Variants in CNTN5 observed in about 807,000 individuals in gnomAD.
The protein encoded by CNTN5 is contactin-5.
A neutral mutation model predicts 129.1 loss-of-function variants in CNTN5; 77 were observed. The ratio of observed to expected loss-of-function variants is 0.60; its 90% CI spans 0.50 to 0.72. CNTN5 has a LOEUF of 0.72. Among genes scored for constraint, CNTN5 ranks in the 30% least tolerant of loss-of-function variants. The pLI, the probability that CNTN5 is intolerant of heterozygous loss-of-function variation, is 0.00. For synonymous variants in CNTN5, 509 were observed against 465.6 expected, an observed-to-expected ratio of 1.09 and a Z score of -1.20; for missense variants, 1,478 against 1,328.8, an observed-to-expected ratio of 1.11 and a Z score of -1.75.
chr11:99,136,364 A>G (rs925850499), intron 1 of CNTN5, among the ~76,000 whole-genome samples: 3 of 152,114 alleles, frequency 2.0e-5, no homozygotes, highest in Admixed American at 6.6e-5. Context: ...CTCTACATGA[A>G]TGTTCTCTTC....
chr11:99,267,810 A>G (rs941651536), intron 1 of CNTN5, among the ~76,000 whole-genome samples: 3 of 151,816 alleles, frequency 2.0e-5, no homozygotes, highest in Non-Finnish European at 4.4e-5. Flanking sequence ...CCAGATATTC[A>G]TGGTATCCTT....
intron 2 of CNTN5, among the ~76,000 whole-genome samples, chr11:99,478,787 T>C (rs942648558): frequency 7.9e-5 from 12 of 152,188 alleles, no homozygotes; most frequent in African/African-American, 2.2e-4. Context: ...ACTTCAGCTA[T>C]AGAGTGATGT....
At chr11:99,971,872 T>C (rs1478443271) in intron 8 of CNTN5, among the ~76,000 whole-genome samples, 1 of 151,056 alleles carries the variant, frequency 6.6e-6, no homozygotes, top group Non-Finnish European at 1.5e-5. Context: ...AAAGTCTGCA[T>C]AAATTATATC....
At chr11:100,239,979 A>G in intron 16 of CNTN5, among the ~76,000 whole-genome samples, 1 of 152,274 alleles carries the variant, frequency 6.6e-6, no homozygotes, top group African/African-American at 2.4e-5. Flanking sequence ...AAGAAATAGA[A>G]CTGTTATTAG....
At chr11:99,166,488 A>G (rs61891517) in intron 1 of CNTN5, among the ~76,000 whole-genome samples, 15,171 of 151,992 alleles carry the variant, frequency 0.1, 1,319 homozygotes, top group East Asian at 0.4. Flanking sequence ...TAAGCCTCTC[A>G]GGAAAGGAGT....
intron 2 of CNTN5, among the ~76,000 whole-genome samples, chr11:99,385,073 A>C (rs761425333): frequency 1.2e-4 from 18 of 152,210 alleles, no homozygotes; most frequent in Non-Finnish European, 2.5e-4. Flanking sequence ...CCAGAAAATT[A>C]TTTTATGGTA....
At chr11:99,390,500 T>C (rs545478383) in intron 2 of CNTN5, among the ~76,000 whole-genome samples, 2 of 152,302 alleles carry the variant, frequency 1.3e-5, no homozygotes, top group East Asian at 3.9e-4. Context: ...ATATAAAGTA[T>C]CTTACTAAAA....
At chr11:99,518,307 T>C (rs17664848) in intron 2 of CNTN5, among the ~76,000 whole-genome samples, 3,002 of 152,216 alleles carry the variant, frequency 0.02, 46 homozygotes, top group Middle Eastern at 0.044. Context: ...GAGACACCCG[T>C]TGGAGGTATT....
intron 2 of CNTN5, among the ~76,000 whole-genome samples, chr11:99,498,287 C>A (rs376115047): frequency 6.6e-5 from 10 of 152,086 alleles, no homozygotes; most frequent in East Asian, 5.8e-4. Context: ...TATCGCAGTT[C>A]AGTGTAAAGT....
At chr11:99,361,952 G>A (rs185039416) in intron 2 of CNTN5, among the ~76,000 whole-genome samples, 74 of 152,024 alleles carry the variant, frequency 4.9e-4, no homozygotes, top group African/African-American at 1.7e-3. Context: ...TGTGTCCATC[G>A]TCATACAAGC....
chr11:99,212,075 A>G (rs529148714), intron 1 of CNTN5, among the ~76,000 whole-genome samples: 1 of 152,290 alleles, frequency 6.6e-6, no homozygotes, highest in African/African-American at 2.4e-5. Flanking sequence ...GTTTGATGGG[A>G]AACTCAAATT....
intron 3 of CNTN5, among the ~76,000 whole-genome samples, chr11:99,576,085 T>C (rs111336382): frequency 0.011 from 1,667 of 152,104 alleles, 16 homozygotes; most frequent in Middle Eastern, 0.027. Flanking sequence ...GGGAGACAAA[T>C]AAAGATCAAA....
rs528319697 is a variant in CNTN5 at position 99,753,119 on chromosome 11, C to CTGTTTT, written c.56-66424_56-66423insGTTTTT. On this transcript the variant is annotated intron_variant, in intron 3 of 24. Transcript: ENST00000524871. Reference sequence around the variant, plus strand: ...TTTATAACATTTTAAGCCATATTTGCTTTTTTTTTTTTTTTTTTTTTGAGA... The same window carrying CTGTTTT: ...TTTATAACATTTTAAGCCATATTTGCTGTTTTTTTTTTTTTTTTTTTTTTTTTGAGA... 5.0e-4 allele frequency among the ~76,000 whole-genome samples: 47 copies of CTGTTTT among 93,074 alleles called. No individual in the cohort carries two copies. The East Asian group carries it at 5.6e-3, about 11-fold the overall frequency. The allele number at this position is 93,074 out of a possible 152,430, so 61.1% of individuals were successfully genotyped here.
intron 1 of CNTN5, among the ~76,000 whole-genome samples, chr11:99,043,059 T>G (rs993847394): frequency 2.0e-5 from 3 of 152,194 alleles, no homozygotes; most frequent in African/African-American, 7.2e-5. Context: ...GTTCCTATCC[T>G]TATAAGAAAA....
At chr11:99,090,622 GA>G (rs2135315189) in intron 1 of CNTN5, among the ~76,000 whole-genome samples, 1 of 144,338 alleles carries the variant, frequency 6.9e-6, no homozygotes, top group African/African-American at 2.6e-5. Flanking sequence ...AGTTATAAGG[GA>G]AAAGAAAAAG....
intron 13 of CNTN5, among the ~76,000 whole-genome samples, chr11:100,102,892 A>T (rs991917664): frequency 1.3e-5 from 2 of 152,130 alleles, no homozygotes; most frequent in Admixed American, 1.3e-4. Context: ...TAACTGGCTG[A>T]TTTTGGAGAA....
chr11:99,338,806 G>C (rs1653821164), intron 2 of CNTN5, among the ~76,000 whole-genome samples: 1 of 150,788 alleles, frequency 6.6e-6, no homozygotes, highest in African/African-American at 2.4e-5. Context: ...GTCAACTTTA[G>C]TTATAAAATG....
At chr11:99,550,797 A>G (rs540876140) in intron 2 of CNTN5, among the ~76,000 whole-genome samples, 2 of 152,240 alleles carry the variant, frequency 1.3e-5, no homozygotes, top group African/African-American at 4.8e-5. Context: ...ATTCACTGCC[A>G]CTTTTTCAGT....
In CNTN5 at chr11:99,914,108, G is replaced by A. The variant is rs536773889; in HGVS notation, c.578-1946G>A. Among the ~76,000 whole-genome samples, 3 of 152,144 alleles carry A rather than the reference G, an allele frequency of 2.0e-5. No homozygotes were observed. The South Asian group carries it at 6.2e-4, about 32-fold the overall frequency. On this transcript the variant is annotated intron_variant, in intron 6 of 24. Coordinates refer to ENST00000524871, the MANE Select transcript of CNTN5 (RefSeq NM_014361.4). The stretch of plus-strand genomic sequence containing the variant: ...AAAAATTAGCTGAGTATATTGGCAT[G>A]TATCTGTAGTCCCAGCTACTCGGGA...
Sources: allele counts gnomAD v4.1 joint callset (sites outside exome capture counted in the v4.1 genomes callset), GRCh38; gene constraint gnomAD v4.1.1; transcripts MANE v1.5; gene names NCBI Gene and HGNC (gene_info 2026-07-23, HGNC 2026-07-21).